MAP7D2: variants seen among roughly 807,000 people sequenced by gnomAD.
The protein encoded by MAP7D2 is MAP7 domain-containing protein 2.
In MAP7D2, 33 loss-of-function variants were observed where a neutral mutation model predicts 63.5. The observed-to-expected ratio is 0.52, with a 90% CI of 0.39 to 0.70. The LOEUF is 0.70. MAP7D2 is among the 30% of genes least tolerant of loss of function. The pLI is 0.00. For missense variants in MAP7D2, 626 were observed against 604.0 expected, an observed-to-expected ratio of 1.04 and a Z score of -0.38; for synonymous variants, 224 against 223.7, an observed-to-expected ratio of 1.00 and a Z score of -0.01.
intron 8 of MAP7D2, among the ~76,000 whole-genome samples, chrX:20,034,704 T>G (rs898502425): frequency 2.7e-5 from 3 of 111,355 alleles, no homozygotes; most frequent in African/African-American, 9.8e-5. Context: ...CAATTGACAC[T>G]GACTCTGGCC....
At chrX:20,112,239 G>A (rs757673694) in intron 1 of MAP7D2, among the ~76,000 whole-genome samples, 2 of 111,865 alleles carry the variant, frequency 1.8e-5, no homozygotes, top group African/African-American at 6.5e-5. Flanking sequence ...ACCCAGCACT[G>A]GTCAGAAGCT....
In MAP7D2 at chrX:20,016,165, C is replaced by A. The variant is rs2073381502; in HGVS notation, c.1573G>T (p.Ala525Ser). 1 of 1,200,184 alleles carries A rather than the reference C, an allele frequency of 8.3e-7. No individual in the cohort carries two copies. Among genetic ancestry groups the A allele is most frequent in the Non-Finnish European group, 1.1e-6 (1 of 889,188 alleles). The change falls in exon 11 of 17, where the codon GCT becomes TCT. Residue 525 changes from alanine (A) to serine (S), a missense_variant. Coordinates refer to ENST00000379643, the MANE Select transcript of MAP7D2 (RefSeq NM_001168465.2). ...RKAGEEAKRK[A>S]EEELLLKEKQ... ...TCTTTCAACAACAGCTCCTCCTCAG[C>A]CTTCCGCTTGGCCTCCTCGCCTGCC...
Position 20,115,666 on chromosome X carries a change from C to A in MAP7D2, c.130+1084G>T, listed in dbSNP as rs180872189. ...CTCCTAAGAATGATGCAACTGAAGG[C>A]CCAGTCAGAAAATACTACCTCGCCC... On this transcript the variant is annotated intron_variant, in intron 1 of 16. Coordinates refer to ENST00000379643, the MANE Select transcript of MAP7D2 (RefSeq NM_001168465.2). Among the ~76,000 whole-genome samples, 348 of 111,402 alleles carry A rather than the reference C, an allele frequency of 3.1e-3. 2 individuals carry two copies. The highest frequency in any genetic ancestry group is 0.011 in the African/African-American group (329 of 30,628).
intron 1 of MAP7D2, among the ~76,000 whole-genome samples, chrX:20,103,062 A>C (rs755558333): frequency 1.8e-5 from 2 of 111,414 alleles, no homozygotes; most frequent in African/African-American, 6.5e-5. Flanking sequence ...AGGGAACACG[A>C]TTAACTCAGC....
At chrX:20,093,909 A>G (rs1357497036) in intron 1 of MAP7D2, among the ~76,000 whole-genome samples, 1 of 111,147 alleles carries the variant, frequency 9.0e-6, no homozygotes, top group African/African-American at 3.3e-5. Context: ...CGTATTAAAA[A>G]AAGAAAGAAA....
chrX:20,111,714 T>C (rs1006285004), intron 1 of MAP7D2, among the ~76,000 whole-genome samples: 1 of 111,630 alleles, frequency 9.0e-6, no homozygotes, highest in Non-Finnish European at 1.9e-5. Flanking sequence ...AACCATCGAA[T>C]TGTGCATTTT....
At chrX:20,099,508 T>C (rs774075916) in intron 1 of MAP7D2, among the ~76,000 whole-genome samples, 1 of 111,924 alleles carries the variant, frequency 8.9e-6, no homozygotes, top group South Asian at 3.7e-4. Flanking sequence ...GAGATTCTTT[T>C]CTAGTACGAA....
chrX:20,054,117 C>T (rs1467251119), intron 4 of MAP7D2, among the ~76,000 whole-genome samples: 7 of 112,271 alleles, frequency 6.2e-5, no homozygotes, highest in Non-Finnish European at 7.5e-5. Flanking sequence ...GGATTACAGG[C>T]GTGAGCCACT....
intron 8 of MAP7D2, among the ~76,000 whole-genome samples, chrX:20,026,272 T>A (rs1418606176): frequency 8.9e-6 from 1 of 111,862 alleles, no homozygotes; most frequent in South Asian, 3.7e-4. Context: ...TAGGTGAACA[T>A]CAGGGTTGAA....
intron 1 of MAP7D2, among the ~76,000 whole-genome samples, chrX:20,065,253 T>TGTGCTCATTACACA (rs1296848646): frequency 9.4e-6 from 1 of 106,489 alleles, no homozygotes; most frequent in African/African-American, 3.5e-5. Context: ...ACACAGACAC[T>TGTGCTCATTACACA]GAACATTTTA....
At chrX:20,036,251 ATTTTT>A (rs2074227175) in intron 8 of MAP7D2, among the ~76,000 whole-genome samples, 1 of 109,731 alleles carries the variant, frequency 9.1e-6, no homozygotes, top group Non-Finnish European at 1.9e-5. Context: ...AATTTATTTT[ATTTTT>A]TATTTTTTGA....
chrX:20,102,447 T>A (rs73193572), intron 1 of MAP7D2, among the ~76,000 whole-genome samples: 7,396 of 110,263 alleles, frequency 0.067, 270 homozygotes, highest in Middle Eastern at 0.12. Flanking sequence ...GTGCTGAACA[T>A]TCTGAGCGGG....
At chrX:20,059,633 A>AGGAAGGAAGGGT (rs1569096825) in intron 3 of MAP7D2, among the ~76,000 whole-genome samples, 14 of 98,802 alleles carry the variant, frequency 1.4e-4, no homozygotes, top group African/African-American at 3.4e-4. Context: ...GAAGGGTGGA[A>AGGAAGGAAGGGT]GGAAGGAAGG....
At position 20,017,607 on chromosome X, in the gene MAP7D2, C is replaced by T. The variant is rs182309412; in HGVS notation, c.1413-1282G>A. ...ATATTAGCCTGAGACTGTAACAATA[C>T]GTGATAACACTAAATTAGGTCACAA... On this transcript the variant is annotated intron_variant, in intron 10 of 16. Coordinates refer to ENST00000379643, the MANE Select transcript of MAP7D2 (RefSeq NM_001168465.2). 7.3e-4 allele frequency among the ~76,000 whole-genome samples: 82 copies of T among 112,276 alleles called. 1 individual carries two copies. Among genetic ancestry groups the T allele is most frequent in the Non-Finnish European group, 9.4e-5 (5 of 53,204 alleles).
At chrX:20,029,835 A>G (rs568593595) in intron 8 of MAP7D2, among the ~76,000 whole-genome samples, 5 of 111,186 alleles carry the variant, frequency 4.5e-5, no homozygotes, top group African/African-American at 1.3e-4. Flanking sequence ...GAATTAAAAA[A>G]AAGAAGTTCC....
chrX:20,082,920 G>A (rs906290997), intron 1 of MAP7D2, among the ~76,000 whole-genome samples: 5 of 111,823 alleles, frequency 4.5e-5, no homozygotes, highest in African/African-American at 9.8e-5. Context: ...GAGCCACTGC[G>A]CCCGGCCACA....
chrX:20,116,710 C>A, intron 1 of MAP7D2, 40 bp downstream of exon 1: 1 of 1,132,800 alleles, frequency 8.8e-7, no homozygotes, highest in Non-Finnish European at 1.2e-6. Flanking sequence ...CCACAGGAAC[C>A]CGAAGCCCTC....
intron 3 of MAP7D2, among the ~76,000 whole-genome samples, chrX:20,057,423 A>G (rs1453781908): frequency 9.0e-6 from 1 of 111,345 alleles, no homozygotes; most frequent in East Asian, 2.8e-4. Context: ...GCGTTCCCAG[A>G]GTTACTTAGG....
chrX:20,072,260 C>T (rs761221685), intron 1 of MAP7D2, among the ~76,000 whole-genome samples: 4 of 111,779 alleles, frequency 3.6e-5, no homozygotes, highest in African/African-American at 1.3e-4. Context: ...CCCCAACACA[C>T]ACACAGATTA....
Sources: allele counts gnomAD v4.1 joint callset (sites outside exome capture counted in the v4.1 genomes callset), GRCh38; gene constraint gnomAD v4.1.1; transcripts MANE v1.5; gene names NCBI Gene and HGNC (gene_info 2026-07-23, HGNC 2026-07-21).